Variants in SLC26A6 observed in about 807,000 individuals in gnomAD.
SLC26A6 encodes solute carrier family 26 member 6.
SLC26A6 carries 67 observed loss-of-function variants against 87.1 expected under a neutral mutation model. The ratio of observed to expected loss-of-function variants is 0.77; its 90% CI spans 0.63 to 0.94. The LOEUF (loss-of-function observed/expected upper bound fraction) is 0.94. SLC26A6 is among the 40% of genes least tolerant of loss of function. The probability of loss-of-function intolerance (pLI) is 0.00; values close to 1 mark genes in which losing one functional copy is unlikely to be tolerated. For synonymous variants in SLC26A6, 414 were observed against 405.9 expected (o/e 1.02, Z -0.24); for missense variants, 902 against 973.0 (o/e 0.93, Z 0.97).
Position 48,628,102 on chromosome 3 carries a change from T to A in SLC26A6, c.1801-64A>T. 6.9e-7 allele frequency: 1 copy of A among 1,440,962 alleles called. No homozygotes were observed. Among genetic ancestry groups the A allele is most frequent in the Non-Finnish European group, 9.4e-7 (1 of 1,064,748 alleles). The allele number at this position is 1,440,962 out of a possible 1,614,324, so 89.3% of individuals were successfully genotyped here. On this transcript the variant is annotated intron_variant, in intron 16 of 20. Coordinates refer to ENST00000395550, the MANE Select transcript of SLC26A6 (RefSeq NM_022911.3). The surrounding 1 kb of genome is among the most constrained non-coding windows in gnomAD (Gnocchi z 4.4). ...CGGCTGCCATGACAGCCATGTCACATAGGCCTGGTGATGCCCCCTGGTGCT... is the reference window on the plus strand; with the variant it reads ...CGGCTGCCATGACAGCCATGTCACAAAGGCCTGGTGATGCCCCCTGGTGCT...
At chr3:48,633,446 C>T in intron 2 of SLC26A6, 31 bp downstream of exon 2, 7 of 1,612,250 alleles carry the variant, frequency 4.3e-6, no homozygotes, top group Non-Finnish European at 5.9e-6. Flanking sequence ...TGGGCCCCGC[C>T]AGCGCCCCCA....
At position 48,629,629 on chromosome 3, in the gene SLC26A6, C is replaced by T. The variant is rs1456738825; in HGVS notation, c.1599+13G>A. The T allele has an allele frequency of 6.2e-7, 1 of 1,605,194 alleles. No individual in the cohort carries two copies. Among genetic ancestry groups the T allele is most frequent in the Non-Finnish European group, 8.5e-7 (1 of 1,175,980 alleles). On this transcript the variant is annotated intron_variant, in intron 14 of 20. Coordinates refer to ENST00000395550, the MANE Select transcript of SLC26A6 (RefSeq NM_022911.3). ...CCCCATCCACACCATCTCACTCAGC[C>T]CCTGACACTCACCTCTGAGTACTCT...
At chr3:48,627,358 C>T in intron 17 of SLC26A6, 1 of 378,974 alleles carries the variant, frequency 2.6e-6, no homozygotes, top group East Asian at 5.0e-5. Context: ...GGGGAGGGGG[C>T]CCAGGAGCAG....
chr3:48,627,168 A>T, intron 17 of SLC26A6, 113 bp from the exon 18 acceptor site: 3 of 1,275,994 alleles, frequency 2.4e-6, no homozygotes, highest in Middle Eastern at 1.9e-4. Flanking sequence ...CATGGGACAC[A>T]TAAGGACACA....
Position 48,630,678 on chromosome 3 carries a change from A to G in SLC26A6, c.1177T>C (p.Phe393Leu). Reference protein sequence around the residue: ...LGLSNLIGGIFQCFPVSCSMS... With the variant: ...LGLSNLIGGILQCFPVSCSMS... ...GAGCAACTCACGGGGAAGCACTGGA[A>G]GATGCCTCCGATAAGGTTACTGAGG... Residue 393 changes from phenylalanine to leucine, a missense_variant, in exon 10 of 21, where the codon TTC becomes CTC. By Grantham distance (22) the Phe-to-Leu change is conservative (BLOSUM62 0). Transcript: ENST00000395550. 1 of 1,603,130 alleles carries G rather than the reference A, an allele frequency of 6.2e-7. No individual in the cohort carries two copies. The highest frequency in any genetic ancestry group is 1.1e-5 in the South Asian group (1 of 89,536).
intron 4 of SLC26A6, chr3:48,632,737 TG>T: frequency 1.5e-6 from 1 of 675,686 alleles, no homozygotes. Flanking sequence ...CCAGGCCCCT[TG>T]GGCTGCCTCA....
intron 4 of SLC26A6, 55 bp downstream of exon 4, chr3:48,632,919 C>A: frequency 1.3e-6 from 2 of 1,528,656 alleles, no homozygotes; most frequent in Non-Finnish European, 1.8e-6. Flanking sequence ...CCTCACCCTG[C>A]CCTCCATGAT....
At chr3:48,632,493 G>A in intron 4 of SLC26A6, 97 bp from the exon 5 acceptor site, 2 of 1,481,398 alleles carry the variant, frequency 1.4e-6, no homozygotes, top group Non-Finnish European at 9.2e-7. Context: ...TTCCAGTTCT[G>A]GATAAATGTA....
At position 48,629,988 on chromosome 3, in the gene SLC26A6, G is replaced by C; in HGVS notation, c.1423-10C>G. ...TCACCAGCCAGATAAGCTGAGAACA[G>C]AGGGCAGCGGTTGGAGGGCGGCGAG... On this transcript the variant is annotated splice_polypyrimidine_tract_variant and intron_variant, in intron 12 of 20. Transcript: ENST00000395550. 6.2e-7 allele frequency: 1 copy of C among 1,614,108 alleles called. No homozygotes were observed. The highest frequency in any genetic ancestry group is 1.7e-4 in the Middle Eastern group (1 of 6,060).
Position 48,628,520 on chromosome 3 carries a change from G to A in SLC26A6, c.1714C>T (p.Leu572Phe). ...KQRCGVDVDF[L>F]ISQKKKLLKK... The stretch of plus-strand genomic sequence containing the variant: ...AGCAGTTTCTTCTTCTGGGAGATGA[G>A]GAAGTCGACATCCACACCACACTGG... The change falls in exon 16 of 21, where the codon CTC becomes TTC. Residue 572 changes from leucine to phenylalanine, a missense_variant. Transcript: ENST00000395550. This position sits in a 1 kb window ranked among gnomAD's most constrained non-coding sequence, Gnocchi z 4.4. 6.2e-7 allele frequency: 1 copy of A among 1,614,098 alleles called. No individual in the cohort carries two copies. The highest frequency in any genetic ancestry group is 8.5e-7 in the Non-Finnish European group (1 of 1,179,988).
In SLC26A6 at chr3:48,628,354, A is replaced by G. The variant is rs2046682983; in HGVS notation, c.1800+80T>C. ...AAGGGATGAGGAGTGAGGACGAGGG[A>G]GGAGTCGGGGGCCAGGAGAAAGGCT... On this transcript the variant is annotated intron_variant, in intron 16 of 20. Transcript: ENST00000395550. The surrounding 1 kb of genome is among the most constrained non-coding windows in gnomAD (Gnocchi z 4.4). 2.6e-6 allele frequency: 4 copies of G among 1,556,232 alleles called. No individual in the cohort carries two copies. The highest frequency in any genetic ancestry group is 3.5e-5 in the Admixed American group (2 of 57,526).
At position 48,628,680 on chromosome 3, in the gene SLC26A6, G is replaced by A. The variant is rs1245307018; in HGVS notation, c.1634C>T (p.Ser545Phe). ...KEVRGVKVFR[S>F]SATVYFANAE... ...ATTGGCAAAGTACACGGTGGCCGAG[G>A]AGCGGAAGACCTTCACCCCCCGGAC... The change falls in exon 15 of 21, where the codon TCC becomes TTC. Residue 545 changes from serine to phenylalanine, a missense_variant. Transcript: ENST00000395550. The surrounding 1 kb of genome is among the most constrained non-coding windows in gnomAD (Gnocchi z 4.4). 1.9e-6 allele frequency: 3 copies of A among 1,613,516 alleles called. No homozygotes were observed. Among genetic ancestry groups the A allele is most frequent in the East Asian group, 2.2e-5 (1 of 44,874 alleles).
At position 48,631,553 on chromosome 3, in the gene SLC26A6, C is replaced by T; in HGVS notation, c.903+96G>A. The T allele has an allele frequency of 4.0e-6, 6 of 1,496,310 alleles. No homozygotes were observed. In the Middle Eastern group the frequency reaches 5.4e-4, roughly 135 times the overall value. 92.7% of individuals were successfully genotyped at this position (1,496,310 alleles called of 1,614,324 possible). A position where few individuals can be genotyped will look rare whatever the true frequency, so the allele number is the denominator to read the frequency against. The stretch of plus-strand genomic sequence containing the variant: ...ATACCCAAGAACCCTCCCAGCCCCC[C>T]TCCAGCTGGCCCTCAAATACAGGAG... On this transcript the variant is annotated intron_variant, in intron 7 of 20. Transcript: ENST00000395550.
In SLC26A6 at chr3:48,631,252, C is replaced by T. The variant is rs199885045; in HGVS notation, c.958G>A (p.Val320Ile). The T allele has an allele frequency of 6.9e-4, 1,106 of 1,610,524 alleles. 1 individual carries two copies. Among genetic ancestry groups the T allele is most frequent in the Non-Finnish European group, 8.1e-4 (953 of 1,177,972 alleles). Residue 320 changes from valine to isoleucine, a missense_variant, in exon 8 of 21, where the codon GTA becomes ATA. Transcript: ENST00000395550. ...GCAGGGATGTTGCCCACGACATCTA[C>T]CTCAAATCTGTGCTTTAGACCCATG... ...YGMGLKHRFE[V>I]DVVGNIPAGL...
Position 48,629,908 on chromosome 3 carries a change from A to G in SLC26A6, c.1493T>C (p.Ile498Thr). 1 of 1,614,110 alleles carries G rather than the reference A, an allele frequency of 6.2e-7. No individual in the cohort carries two copies. The highest frequency in any genetic ancestry group is 8.5e-7 in the Non-Finnish European group (1 of 1,180,028). The change falls in exon 13 of 21, where the codon ATC becomes ACC. Residue 498 changes from isoleucine to threonine, a missense_variant. By Grantham distance (89) the Ile-to-Thr change is moderately conservative. This residue lies in a region of SLC26A6 where 800 missense variants were observed against 856.8 expected (regional missense o/e 0.93). Transcript: ENST00000395550. ...NLDLGLVVAV[I>T]FSLLLVVVRT... The stretch of plus-strand genomic sequence containing the variant: ...GACCACCACGAGCAGCAGGGAGAAG[A>G]TGACCGCAACCACCAAGCCAAGGTC...
chr3:48,627,304 C>T (rs972060811), intron 17 of SLC26A6: 16 of 504,916 alleles, frequency 3.2e-5, no homozygotes, highest in East Asian at 7.0e-5. Flanking sequence ...CACAGGGACA[C>T]GAGAAGGGAG....
In SLC26A6 at chr3:48,632,838, C is replaced by T. The variant is rs570245942; in HGVS notation, c.433+136G>A. ...GGTCTAGTCCTGCCTGGGGATGACT[C>T]GTGGGCTAGCCCAGGGATGCAGCAC... On this transcript the variant is annotated intron_variant, in intron 4 of 20. Coordinates refer to ENST00000395550, the MANE Select transcript of SLC26A6 (RefSeq NM_022911.3). 2.5e-5 allele frequency: 22 copies of T among 875,978 alleles called. No individual in the cohort carries two copies. In the South Asian group the frequency reaches 3.1e-4, roughly 12 times the overall value. The allele number at this position is 875,978 out of a possible 1,614,324, so 54.3% of individuals were successfully genotyped here. A position where few individuals can be genotyped will look rare whatever the true frequency, so the allele number is the denominator to read the frequency against.
At position 48,633,001 on chromosome 3, in the gene SLC26A6, A is replaced by G. The variant is rs954707417; in HGVS notation, c.406T>C (p.Phe136Leu). ...ACGGAGATGTGCCGGGAAGTGCCAA[A>G]CAGGAAGTAGATGAAGACAGGGTAG... ...SFYPVFIYFL[F>L]GTSRHISVGT... Residue 136 changes from phenylalanine to leucine, a missense_variant, in exon 4 of 21, where the codon TTT (phenylalanine) becomes CTT (leucine). Around this residue, in one of 3 missense-constraint regions of SLC26A6, gnomAD observed 800 missense variants for 856.8 expected, o/e 0.93. Transcript: ENST00000395550. 10 of 1,613,508 alleles carry G rather than the reference A, an allele frequency of 6.2e-6. No homozygotes were observed. In the African/African-American group the frequency reaches 1.3e-4, roughly 22 times the overall value.
chr3:48,632,921 C>T (rs2046846559), intron 4 of SLC26A6, 53 bp downstream of exon 4: 19 of 1,536,910 alleles, frequency 1.2e-5, no homozygotes, highest in Non-Finnish European at 1.7e-5. Flanking sequence ...TCACCCTGCC[C>T]TCCATGATGG....
Sources: allele counts gnomAD v4.1 joint callset, GRCh38; gene constraint gnomAD v4.1.1; regional missense constraint gnomAD v4.1.1; non-coding constraint Gnocchi (gnomAD v3.1); transcripts MANE v1.5; gene names NCBI Gene and HGNC (gene_info 2026-07-23, HGNC 2026-07-21).